Variants in RNF2 observed in about 807,000 individuals in gnomAD.
RNF2 encodes the protein E3 ubiquitin-protein ligase RING2.
RNF2 carries 6 observed loss-of-function variants against 37.2 expected under a neutral mutation model. That is an observed-to-expected ratio of 0.16 (90% CI 0.09 to 0.32). The LOEUF (loss-of-function observed/expected upper bound fraction) is 0.32, where lower values mean the gene tolerates loss of function less well. Ranked by LOEUF, RNF2 falls within the 10% of genes least tolerant of loss-of-function variation. RNF2 has a pLI of 1.00. For synonymous variants in RNF2, 133 were observed against 132.7 expected (o/e 1.00, Z -0.02); for missense variants, 251 against 404.0 (o/e 0.62, Z 3.25).
chr1:185,063,581 T>C (rs993966129), intron 1 of RNF2, among the ~76,000 whole-genome samples: 17 of 152,228 alleles, frequency 1.1e-4, no homozygotes, highest in African/African-American at 3.4e-4. Flanking sequence ...AAGTTTCATA[T>C]AGTTGCTGTA....
At position 185,101,489 on chromosome 1, in the gene RNF2, T is replaced by C. The variant is rs576560161; in HGVS notation, c.*1188T>C. ...ATATTGAGGAACAATATTGGGTGTTTGGGAGCCAGAAAGCTTTGTTGACAG... is the reference window on the plus strand; with the variant it reads ...ATATTGAGGAACAATATTGGGTGTTCGGGAGCCAGAAAGCTTTGTTGACAG... On this transcript the variant is annotated 3_prime_UTR_variant, in exon 7 of 7. Coordinates refer to ENST00000367510, the MANE Select transcript of RNF2 (RefSeq NM_007212.4). 2.2e-4 allele frequency: 34 copies of C among 152,696 alleles called. No homozygotes were observed. The highest frequency in any genetic ancestry group is 7.9e-4 in the African/African-American group (33 of 41,566). 9.5% of individuals were successfully genotyped at this position (152,696 alleles called of 1,614,324 possible).
intron 1 of RNF2, among the ~76,000 whole-genome samples, chr1:185,068,821 T>C (rs1316550694): frequency 6.6e-6 from 1 of 152,206 alleles, no homozygotes; most frequent in Non-Finnish European, 1.5e-5. Flanking sequence ...CTAAACTCTT[T>C]CTCCTTTTGG....
intron 1 of RNF2, among the ~76,000 whole-genome samples, chr1:185,076,359 T>C (rs1651164663): frequency 7.2e-6 from 1 of 137,950 alleles, no homozygotes; most frequent in African/African-American, 2.7e-5. Context: ...GGCGCGATCT[T>C]GGCTCACTGC....
rs187053028 is a variant in RNF2, at chr1:185,082,312, C to T, written c.-2-5240C>T. Among the ~76,000 whole-genome samples the T allele has an allele frequency of 1.9e-3, 276 of 145,496 alleles. 1 individual carries two copies. The highest frequency in any genetic ancestry group is 6.7e-3 in the African/African-American group (270 of 40,014). ...CTTCCGCTGGCTGGTCACTATGCTCCGCGTCTTCAAGGTTCTTGTCTCCTC... is the reference window on the plus strand; with the variant it reads ...CTTCCGCTGGCTGGTCACTATGCTCTGCGTCTTCAAGGTTCTTGTCTCCTC... On this transcript the variant is annotated intron_variant, in intron 1 of 6. Transcript: ENST00000367510.
At chr1:185,066,126 T>C (rs1481781891) in intron 1 of RNF2, among the ~76,000 whole-genome samples, 1 of 152,194 alleles carries the variant, frequency 6.6e-6, no homozygotes, top group Non-Finnish European at 1.5e-5. Context: ...CTTCAGATTA[T>C]TGCACAGATT....
chr1:185,073,554 TA>T (rs1651050430), intron 1 of RNF2, among the ~76,000 whole-genome samples: 1 of 152,220 alleles, frequency 6.6e-6, no homozygotes, highest in Non-Finnish European at 1.5e-5. Flanking sequence ...CTACAGCAGT[TA>T]ATTTTTTGAG....
At chr1:185,057,085 A>T (rs930757138) in intron 1 of RNF2, among the ~76,000 whole-genome samples, 1 of 152,146 alleles carries the variant, frequency 6.6e-6, no homozygotes, top group South Asian at 2.1e-4. Flanking sequence ...AAGCAGGAGG[A>T]TCACTTGAGA....
intron 5 of RNF2, among the ~76,000 whole-genome samples, chr1:185,098,961 A>G (rs796706190): frequency 9.2e-4 from 139 of 151,630 alleles, no homozygotes; most frequent in African/African-American, 3.1e-3. Context: ...CATGTTGGCC[A>G]GGATGGTCTC....
intron 1 of RNF2, among the ~76,000 whole-genome samples, chr1:185,052,821 G>A (rs1264630886): frequency 2.6e-5 from 4 of 152,186 alleles, no homozygotes; most frequent in African/African-American, 9.7e-5. Flanking sequence ...GATGCTGAAG[G>A]AAGGAACAAC....
intron 1 of RNF2, among the ~76,000 whole-genome samples, chr1:185,052,949 T>A (rs1440870787): frequency 6.6e-6 from 1 of 152,234 alleles, no homozygotes; most frequent in Non-Finnish European, 1.5e-5. Context: ...ATAGGTACTT[T>A]ACATCTAAAA....
rs888522998 is a variant in RNF2, at chr1:185,087,643, A to G, written c.87+3A>G. 1 of 1,611,028 alleles carries G rather than the reference A, an allele frequency of 6.2e-7. No individual in the cohort carries two copies. Among genetic ancestry groups the G allele is most frequent in the African/African-American group, 1.3e-5 (1 of 74,882 alleles). On this transcript the variant is annotated splice_donor_region_variant and intron_variant, in intron 2 of 6. Coordinates refer to ENST00000367510, the MANE Select transcript of RNF2 (RefSeq NM_007212.4). ...ATGAGTTACAACGAACACCTCAGGT[A>G]ATGACTAAGATGACTGCCAAGGGGC...
At chr1:185,066,019 CCTTT>C (rs1650788607) in intron 1 of RNF2, among the ~76,000 whole-genome samples, 3 of 151,534 alleles carry the variant, frequency 2.0e-5, no homozygotes, top group South Asian at 2.1e-4. Context: ...TTCTTTCCTT[CCTTT>C]GTCATTTCCT....
intron 4 of RNF2, among the ~76,000 whole-genome samples, chr1:185,097,215 C>T (rs1330449515): frequency 1.3e-5 from 2 of 152,108 alleles, no homozygotes; most frequent in Non-Finnish European, 2.9e-5. Flanking sequence ...AGTGCCTTGC[C>T]CGGTAATTAG....
At chr1:185,068,984 C>G (rs1024876872) in intron 1 of RNF2, among the ~76,000 whole-genome samples, 1 of 152,122 alleles carries the variant, frequency 6.6e-6, no homozygotes, top group African/African-American at 2.4e-5. Context: ...TTTAAAGTTC[C>G]TTTTTTGAGT....
At chr1:185,092,301 T>G (rs996530334) in intron 3 of RNF2, among the ~76,000 whole-genome samples, 8 of 151,734 alleles carry the variant, frequency 5.3e-5, no homozygotes, top group Non-Finnish European at 1.2e-4. Context: ...CTCAGCCTCC[T>G]GAGTAGCTGG....
At chr1:185,055,334 A>G (rs894564199) in intron 1 of RNF2, among the ~76,000 whole-genome samples, 1 of 152,200 alleles carries the variant, frequency 6.6e-6, no homozygotes, top group Admixed American at 6.5e-5. Flanking sequence ...TCCATGTCCA[A>G]AAAGTTTTAG....
chr1:185,092,976 A>G (rs1432231057), intron 3 of RNF2, 85 bp from the exon 4 acceptor site: 5 of 1,117,550 alleles, frequency 4.5e-6, no homozygotes, highest in Non-Finnish European at 5.4e-6. Context: ...ATAAAGGTGA[A>G]TAACTATCCA....
At chr1:185,090,707 C>T (rs930474902) in intron 2 of RNF2, among the ~76,000 whole-genome samples, 3 of 152,180 alleles carry the variant, frequency 2.0e-5, no homozygotes, top group Non-Finnish European at 4.4e-5. Flanking sequence ...CAATTCTCGC[C>T]ATACTAGAAC....
At chr1:185,054,589 C>T (rs1650374847) in intron 1 of RNF2, among the ~76,000 whole-genome samples, 1 of 152,202 alleles carries the variant, frequency 6.6e-6, no homozygotes, top group Non-Finnish European at 1.5e-5. Context: ...GCCAGGACCC[C>T]GAGGCCACGC....
Sources: gnomAD v4.1 joint callset for allele counts (sites outside exome capture counted in the v4.1 genomes callset) on GRCh38, gnomAD v4.1.1 for gene constraint, MANE v1.5 for transcripts, NCBI Gene and HGNC (gene_info 2026-07-23, HGNC 2026-07-21) for gene names.